The following CNTN4 variants were observed in gnomAD, a reference collection of about 807,000 sequenced individuals.
CNTN4 encodes the protein contactin 4, also known as contactin-4.
In CNTN4, 77 loss-of-function variants were observed where a neutral mutation model predicts 122.5. The ratio of observed to expected loss-of-function variants is 0.63; its 90% CI spans 0.52 to 0.76. The LOEUF (loss-of-function observed/expected upper bound fraction) is 0.76. CNTN4 is among the 30% of genes least tolerant of loss of function. The probability of loss-of-function intolerance (pLI) is 0.00; values close to 1 mark genes in which losing one functional copy is unlikely to be tolerated. For synonymous variants in CNTN4, 512 were observed against 447.0 expected, an observed-to-expected ratio of 1.15 and a Z score of -1.83; for missense variants, 1,256 against 1,259.1, an observed-to-expected ratio of 1.00 and a Z score of 0.04.
intron 17 of CNTN4, among the ~76,000 whole-genome samples, 184 bp downstream of exon 17, chr3:3,034,974 G>A (rs960838877): frequency 4.6e-5 from 7 of 152,014 alleles, no homozygotes; most frequent in African/African-American, 1.7e-4. Context: ...ATCACAGTTG[G>A]GTTTTTTTAA....
intron 2 of CNTN4, among the ~76,000 whole-genome samples, chr3:2,172,158 T>C (rs1423904679): frequency 6.6e-6 from 1 of 152,102 alleles, no homozygotes; most frequent in Non-Finnish European, 1.5e-5. Context: ...AGAAAATTGA[T>C]TGCAAACCAA....
At chr3:2,392,447 A>T (rs2046473881) in intron 3 of CNTN4, among the ~76,000 whole-genome samples, 1 of 152,178 alleles carries the variant, frequency 6.6e-6, no homozygotes, top group Admixed American at 6.5e-5. Flanking sequence ...GATGAAAAAT[A>T]TGCACACAGT....
intron 4 of CNTN4, among the ~76,000 whole-genome samples, chr3:2,573,896 C>T (rs1005105155): frequency 2.6e-5 from 4 of 152,134 alleles, no homozygotes; most frequent in Non-Finnish European, 5.9e-5. Flanking sequence ...ATTTACATAG[C>T]ACTCCACTCG....
intron 14 of CNTN4, among the ~76,000 whole-genome samples, chr3:2,995,002 T>C (rs1265329152): frequency 6.6e-6 from 1 of 152,162 alleles, no homozygotes; most frequent in Non-Finnish European, 1.5e-5. Flanking sequence ...TAATTAAGGG[T>C]ATTTCTAATA....
At chr3:3,045,417 C>G (rs551795593) in intron 23 of CNTN4, among the ~76,000 whole-genome samples, 3 of 152,326 alleles carry the variant, frequency 2.0e-5, no homozygotes, top group Admixed American at 1.3e-4. Flanking sequence ...GCCAGGTACC[C>G]CTCTGAGACA....
chr3:2,120,405 A>ATATATATATATATATATATATTTT (rs1428527983), intron 2 of CNTN4, among the ~76,000 whole-genome samples: 6 of 40,862 alleles, frequency 1.5e-4, no homozygotes, highest in Admixed American at 6.3e-4. Context: ...ATATATATAT[A>ATATATATATATATATATATATTTT]TTTTTTTTTT....
chr3:2,253,862 C>T (rs2040470831), intron 2 of CNTN4, among the ~76,000 whole-genome samples: 1 of 97,978 alleles, frequency 1.0e-5, no homozygotes, highest in South Asian at 4.5e-4. Context: ...GATATGTGTC[C>T]TATTGCTTTC....
At chr3:2,549,459 G>T (rs1185801772) in intron 3 of CNTN4, among the ~76,000 whole-genome samples, 2 of 152,074 alleles carry the variant, frequency 1.3e-5, no homozygotes, top group African/African-American at 2.4e-5. Context: ...GAGATAATCA[G>T]GTGGTTTTTG....
intron 3 of CNTN4, among the ~76,000 whole-genome samples, chr3:2,487,689 G>C (rs2076201839): frequency 6.6e-6 from 1 of 152,062 alleles, no homozygotes; most frequent in South Asian, 2.1e-4. Flanking sequence ...AAAAGCCTTT[G>C]GCTAGATACT....
intron 2 of CNTN4, among the ~76,000 whole-genome samples, chr3:2,245,160 C>T (rs998633779): frequency 1.3e-5 from 2 of 151,932 alleles, no homozygotes; most frequent in East Asian, 3.8e-4. Context: ...ACTCACTCCT[C>T]CTATGTATTT....
chr3:2,534,048 T>G (rs1346376864), intron 3 of CNTN4, among the ~76,000 whole-genome samples: 2 of 152,280 alleles, frequency 1.3e-5, no homozygotes, highest in East Asian at 3.9e-4. Context: ...TCTCCCATGC[T>G]GTAGGTTGCC....
intron 3 of CNTN4, among the ~76,000 whole-genome samples, chr3:2,397,245 A>G (rs982039149): frequency 6.6e-6 from 1 of 152,190 alleles, no homozygotes; most frequent in East Asian, 1.9e-4. Flanking sequence ...TATAGTAAGT[A>G]TATTTTTCTT....
chr3:2,927,117 T>C (rs1213466323), intron 13 of CNTN4, among the ~76,000 whole-genome samples: 2 of 150,926 alleles, frequency 1.3e-5, no homozygotes, highest in African/African-American at 4.8e-5. Flanking sequence ...TTTAAAAGTT[T>C]TAATTTTAAA....
At chr3:2,733,474 C>A (rs1194449317) in intron 4 of CNTN4, among the ~76,000 whole-genome samples, 1 of 149,486 alleles carries the variant, frequency 6.7e-6, no homozygotes, top group Non-Finnish European at 1.5e-5. Flanking sequence ...ATGTAAATAT[C>A]TGGATTTTGA....
intron 3 of CNTN4, among the ~76,000 whole-genome samples, chr3:2,497,264 T>G (rs1461288406): frequency 3.3e-5 from 5 of 152,100 alleles, no homozygotes. Context: ...CAACCTTTAA[T>G]GGACACTCTT....
intron 4 of CNTN4, among the ~76,000 whole-genome samples, chr3:2,713,775 A>C (rs2087300835): frequency 6.6e-6 from 1 of 152,212 alleles, no homozygotes; most frequent in Non-Finnish European, 1.5e-5. Context: ...TTATAGAAAG[A>C]AAGAAATCTG....
chr3:2,861,445 G>T (rs2093670699), intron 7 of CNTN4, among the ~76,000 whole-genome samples: 2 of 152,132 alleles, frequency 1.3e-5, no homozygotes, highest in Admixed American at 1.3e-4. Context: ...TTCATTTGTA[G>T]AAATCACTTA....
chr3:2,371,458 A>G (rs919026991), intron 3 of CNTN4, among the ~76,000 whole-genome samples: 1 of 2,930 alleles, frequency 3.4e-4, no homozygotes, highest in African/African-American at 1.4e-3. Flanking sequence ...TCTAGCATTT[A>G]TCCTTGCATC....
intron 2 of CNTN4, among the ~76,000 whole-genome samples, chr3:2,285,149 A>G (rs192876751): frequency 2.1e-4 from 32 of 152,206 alleles, no homozygotes; most frequent in Admixed American, 1.8e-3. Context: ...GGTGGTAACT[A>G]TTGTCAAACA....
Sources: allele counts gnomAD v4.1 joint callset (sites outside exome capture counted in the v4.1 genomes callset), GRCh38; gene constraint gnomAD v4.1.1; transcripts MANE v1.5; gene names NCBI Gene and HGNC (gene_info 2026-07-23, HGNC 2026-07-21).